RGMB: variants seen among roughly 807,000 people sequenced by gnomAD.
RGMB encodes repulsive guidance molecule BMP co-receptor b.
Under a neutral mutation model 26.9 loss-of-function variants are expected in RGMB, and 16 were observed. The observed-to-expected ratio is 0.60, with a 90% confidence interval of 0.40 to 0.90. The LOEUF is 0.90. RGMB is among the 40% of genes least tolerant of loss of function. RGMB has a pLI of 0.00. For missense variants in RGMB, 512 were observed against 573.3 expected (o/e 0.89, Z 1.09); for synonymous variants, 225 against 229.3 (o/e 0.98, Z 0.17).
intron 2 of RGMB, chr5:98,792,771 TAAAA>T (rs5869833): frequency 2.0e-4 from 24 of 121,968 alleles, no homozygotes; most frequent in South Asian, 5.0e-4. Context: ...CCCTGTCACT[TAAAA>T]AAAAAAAAAA....
chr5:98,775,426 A>T (rs747913286), intron 1 of RGMB, among the ~76,000 whole-genome samples: 3 of 152,258 alleles, frequency 2.0e-5, no homozygotes, highest in African/African-American at 4.8e-5. Context: ...GCTTTCAATT[A>T]GTAACCTAAG....
intron 2 of RGMB, among the ~76,000 whole-genome samples, chr5:98,785,086 G>A (rs1348035245): frequency 6.6e-6 from 1 of 152,160 alleles, no homozygotes; most frequent in Non-Finnish European, 1.5e-5. Flanking sequence ...ATGCTAAGAA[G>A]TTCTGACTGG....
intron 2 of RGMB, chr5:98,780,528 G>A (rs1227717223): frequency 6.4e-6 from 1 of 155,884 alleles, no homozygotes; most frequent in East Asian, 1.9e-4. Context: ...TATTTTATTG[G>A]AGATTTGGAA....
intron 2 of RGMB, among the ~76,000 whole-genome samples, chr5:98,782,622 C>G (rs1378134922): frequency 6.6e-6 from 1 of 152,156 alleles, no homozygotes; most frequent in African/African-American, 2.4e-5. Flanking sequence ...GTGCTCAGTG[C>G]CACTAGATTG....
Position 98,780,217 on chromosome 5 carries a change from G to A in RGMB, c.645+129G>A, listed in dbSNP as rs1405203541. On this transcript the variant is annotated intron_variant, in intron 2 of 2. Coordinates refer to ENST00000513185, the MANE Select transcript of RGMB (RefSeq NM_001366508.1). ...AACTTCTTTTGAAAAGCAATTAACA[G>A]TTGATAAAGGGTTAAATAAAAATTA... 3 of 783,040 alleles carry A rather than the reference G, an allele frequency of 3.8e-6. No individual in the cohort carries two copies. In the African/African-American group the frequency reaches 5.2e-5, roughly 14 times the overall value. The allele number at this position is 783,040 out of a possible 1,614,324, so 48.5% of individuals were successfully genotyped here.
chr5:98,783,447 T>G (rs1032472316), intron 2 of RGMB, among the ~76,000 whole-genome samples: 2 of 152,210 alleles, frequency 1.3e-5, no homozygotes, highest in African/African-American at 4.8e-5. Flanking sequence ...GGTTTTGTTT[T>G]GCAGGAGGAA....
At chr5:98,775,129 T>C (rs1300166124) in intron 1 of RGMB, among the ~76,000 whole-genome samples, 1 of 152,172 alleles carries the variant, frequency 6.6e-6, no homozygotes, top group Non-Finnish European at 1.5e-5. Context: ...TTCCAGACCT[T>C]TTTTGTCCTG....
At chr5:98,775,151 C>G (rs1034307761) in intron 1 of RGMB, among the ~76,000 whole-genome samples, 13 of 152,084 alleles carry the variant, frequency 8.5e-5, no homozygotes, top group African/African-American at 3.1e-4. Context: ...ATATATGAGA[C>G]ACTTCACAAC....
At chr5:98,770,785 CTT>C, upstream of RGMB, 2 of 616,544 alleles carry the variant, frequency 3.2e-6, no homozygotes, top group Non-Finnish European at 5.0e-6. Flanking sequence ...TTTTAATAAA[CTT>C]TCACTCTTGC....
chr5:98,791,698 T>C (rs1454723428), intron 2 of RGMB, among the ~76,000 whole-genome samples: 1 of 152,190 alleles, frequency 6.6e-6, no homozygotes, highest in Non-Finnish European at 1.5e-5. Context: ...CTAGCAATGA[T>C]ACAATTCTCA....
intron 2 of RGMB, among the ~76,000 whole-genome samples, chr5:98,784,412 G>A (rs540653094): frequency 1.3e-5 from 2 of 152,290 alleles, no homozygotes; most frequent in South Asian, 4.1e-4. Flanking sequence ...TTTGCTTTTG[G>A]TTAATGTCTT....
At chr5:98,769,566 G>A (rs917814489), upstream of RGMB, 1 of 152,472 alleles carries the variant, frequency 6.6e-6, no homozygotes, top group Non-Finnish European at 1.5e-5. Context: ...TCGGCCGCGT[G>A]GCTTGCGGCT....
upstream of RGMB, chr5:98,770,549 G>C (rs117626350): frequency 1.2e-3 from 1,133 of 963,500 alleles, 8 homozygotes; most frequent in East Asian, 0.021. Context: ...CTCTCCCTCC[G>C]CGAGTGCATT....
At chr5:98,773,054 C>G (rs1828169), upstream of RGMB, 68,535 of 151,774 alleles carry the variant, frequency 0.45, 17,211 homozygotes, top group East Asian at 0.68. Context: ...CCGCGGGTGA[C>G]ATTCAGATTT....
rs952720017 is a variant in RGMB, at chr5:98,779,956, C to T, written c.513C>T (p.Leu171=). Residue 171 remains leucine (L), a synonymous_variant, in exon 2 of 3, where the codon CTC becomes CTT. Coordinates refer to ENST00000513185, the MANE Select transcript of RGMB (RefSeq NM_001366508.1). ...GTGGCTTGTTTGGAGATCCTCACCT[C>T]AGAACTTTCAAGGATAACTTCCAAA... The part of the protein sequence containing the change: ...LFCGLFGDPH[L]RTFKDNFQTC... The T allele has an allele frequency of 6.2e-7, 1 of 1,613,124 alleles. No individual in the cohort carries two copies.
In RGMB at chr5:98,793,509, A is replaced by C; in HGVS notation, c.1070A>C (p.Gln357Pro). ...PGYTLETANT[Q>P]CHEKMPVKDI... Reference sequence around the variant, plus strand: ...TACACACTGGAGACTGCCAACACTCAATGCCATGAGAAGATGCCAGTGAAG... The same window carrying C: ...TACACACTGGAGACTGCCAACACTCCATGCCATGAGAAGATGCCAGTGAAG... Residue 357 changes from glutamine to proline, a missense_variant, in exon 3 of 3, where the codon CAA (glutamine) becomes CCA (proline). Transcript: ENST00000513185. The C allele has an allele frequency of 6.2e-7, 1 of 1,613,866 alleles. No individual in the cohort carries two copies.
Position 98,793,519 on chromosome 5 carries a change from G to A in RGMB, c.1080G>A (p.Glu360=). Residue 360 remains glutamate, a synonymous_variant, in exon 3 of 3, where the codon GAG becomes GAA. Transcript: ENST00000513185. The part of the protein sequence containing the change: ...TLETANTQCH[E]KMPVKDIYFQ... Reference sequence around the variant, plus strand: ...AGACTGCCAACACTCAATGCCATGAGAAGATGCCAGTGAAGGACATCTATT... The same window carrying A: ...AGACTGCCAACACTCAATGCCATGAAAAGATGCCAGTGAAGGACATCTATT... 6.2e-7 allele frequency: 1 copy of A among 1,613,992 alleles called. No individual in the cohort carries two copies. Among genetic ancestry groups the A allele is most frequent in the Non-Finnish European group, 8.5e-7 (1 of 1,179,882 alleles).
chr5:98,780,212 T>A, intron 2 of RGMB, 124 bp downstream of exon 2: 1 of 822,138 alleles, frequency 1.2e-6, no homozygotes, highest in Non-Finnish European at 1.9e-6. Flanking sequence ...GAAAAGCAAT[T>A]AACAGTTGAT....
chr5:98,788,379 C>T (rs553803231), intron 2 of RGMB, among the ~76,000 whole-genome samples: 1 of 152,052 alleles, frequency 6.6e-6, no homozygotes, highest in Non-Finnish European at 1.5e-5. Context: ...AAATTACATC[C>T]CAGTTCATTG....
Sources: gnomAD v4.1 joint callset for allele counts (sites outside exome capture counted in the v4.1 genomes callset) on GRCh38, gnomAD v4.1.1 for gene constraint, MANE v1.5 for transcripts, NCBI Gene and HGNC (gene_info 2026-07-23, HGNC 2026-07-21) for gene names.